The following SYNE3 variants were observed in gnomAD, a reference collection of about 807,000 sequenced individuals.
The protein encoded by SYNE3 is spectrin repeat containing nuclear envelope family member 3.
A neutral mutation model predicts 111.2 loss-of-function variants in SYNE3; 100 were observed. That is an observed-to-expected ratio of 0.90 (90% confidence interval 0.77 to 1.06). SYNE3 has a LOEUF of 1.06. Ranked by LOEUF, SYNE3 falls within the 50% of genes least tolerant of loss-of-function variation. SYNE3 has a pLI of 0.00. For synonymous variants in SYNE3, 547 were observed against 533.9 expected (o/e 1.02, Z -0.34); for missense variants, 1,160 against 1,240.3 (o/e 0.94, Z 0.97).
chr14:95,437,857 G>T (rs1225842986), intron 14 of SYNE3: 3 of 151,736 alleles, frequency 2.0e-5, no homozygotes, highest in Admixed American at 1.3e-4. Flanking sequence ...GACCCATCTT[G>T]TATGATTTTA....
intron 1 of SYNE3, among the ~76,000 whole-genome samples, chr14:95,491,325 G>A (rs1229722284): frequency 6.6e-6 from 1 of 152,184 alleles, no homozygotes; most frequent in East Asian, 1.9e-4. Context: ...TCTGGCAGCA[G>A]CTCAGTGTAG....
intron 1 of SYNE3, among the ~76,000 whole-genome samples, chr14:95,502,892 C>T (rs184273842): frequency 3.9e-5 from 6 of 152,322 alleles, no homozygotes; most frequent in Admixed American, 2.6e-4. Flanking sequence ...AGCTCCATGT[C>T]GAGCAGCGAG....
intron 2 of SYNE3, among the ~76,000 whole-genome samples, chr14:95,473,377 C>T (rs1428723767): frequency 6.6e-6 from 1 of 152,028 alleles, no homozygotes; most frequent in African/African-American, 2.4e-5. Flanking sequence ...GTTTAAAATG[C>T]TAAGCACCCT....
chr14:95,437,386 T>C (rs972111547), intron 14 of SYNE3, among the ~76,000 whole-genome samples: 1 of 152,212 alleles, frequency 6.6e-6, no homozygotes, highest in African/African-American at 2.4e-5. Context: ...GAGTCTTGGT[T>C]CCACTGCGCA....
At chr14:95,489,027 G>A (rs74080379) in intron 1 of SYNE3, among the ~76,000 whole-genome samples, 4,688 of 152,246 alleles carry the variant, frequency 0.031, 231 homozygotes, top group African/African-American at 0.1. Flanking sequence ...GCTGAGCACC[G>A]GGCCTGCTGG....
At chr14:95,482,237 C>T (rs1486927631) in intron 1 of SYNE3, among the ~76,000 whole-genome samples, 2 of 152,166 alleles carry the variant, frequency 1.3e-5, no homozygotes, top group African/African-American at 4.8e-5. Flanking sequence ...AGTTTGAGAT[C>T]AGCCTGGCCA....
intron 17 of SYNE3, 97 bp from the exon 18 acceptor site, chr14:95,418,123 A>G: frequency 8.2e-7 from 1 of 1,226,932 alleles, no homozygotes; most frequent in South Asian, 1.2e-5. Flanking sequence ...CGGTGGTAGC[A>G]CTGAACTGAC....
At chr14:95,461,845 G>A (rs540565342) in intron 4 of SYNE3, among the ~76,000 whole-genome samples, 2 of 152,352 alleles carry the variant, frequency 1.3e-5, no homozygotes, top group Admixed American at 6.5e-5. Context: ...GGGAGGCTGG[G>A]ACCACCAAGG....
In SYNE3 at chr14:95,417,711, C is replaced by T. The variant is rs113545322; in HGVS notation, c.*115G>A. The T allele has an allele frequency of 1.6e-3, 1,773 of 1,077,866 alleles. 12 individuals are homozygous for T. In the African/African-American group the frequency reaches 0.02, roughly 12 times the overall value. The allele number at this position is 1,077,866 out of a possible 1,614,324, so 66.8% of individuals were successfully genotyped here. A position where few individuals can be genotyped will look rare whatever the true frequency, so the allele number is the denominator to read the frequency against. On this transcript the variant is annotated 3_prime_UTR_variant, in exon 18 of 18. Transcript: ENST00000682763. Reference sequence around the variant, plus strand: ...CGCTGACACAGCACTGATATGGATGCAGCTCTGCAGTCTTTGCCCTGCCCC... The same window carrying T: ...CGCTGACACAGCACTGATATGGATGTAGCTCTGCAGTCTTTGCCCTGCCCC...
chr14:95,470,489 A>C lies in SYNE3; in HGVS notation c.145-2522T>G, dbSNP rs567736840. On this transcript the variant is annotated intron_variant, in intron 2 of 17. Coordinates refer to ENST00000682763, the MANE Select transcript of SYNE3 (RefSeq NM_152592.6). This position sits in a 1 kb window ranked among gnomAD's most constrained non-coding sequence, Gnocchi z 4.2. ...CTCCAAAAGCATTTTTTTTAATTAAAAAAAAAAAAAAACTAGCCAGGCACA... is the reference window on the plus strand; with the variant it reads ...CTCCAAAAGCATTTTTTTTAATTAACAAAAAAAAAAAACTAGCCAGGCACA... Among the ~76,000 whole-genome samples, 2 of 151,554 alleles carry C rather than the reference A, an allele frequency of 1.3e-5. No individual in the cohort carries two copies. Among genetic ancestry groups the C allele is most frequent in the East Asian group, 3.9e-4 (2 of 5,156 alleles).
chr14:95,423,018 T>A (rs74078430), intron 17 of SYNE3, among the ~76,000 whole-genome samples: 3,322 of 152,306 alleles, frequency 0.022, 127 homozygotes, highest in African/African-American at 0.075. Context: ...CAGCCCTGCG[T>A]TCGCTCCCCG....
intron 1 of SYNE3, among the ~76,000 whole-genome samples, chr14:95,479,713 A>G (rs1218796493): frequency 6.6e-6 from 1 of 152,228 alleles, no homozygotes; most frequent in East Asian, 1.9e-4. Context: ...TGAGGCCAGC[A>G]TGAGTTTTGA....
chr14:95,440,134 C>T (rs1045383751), intron 11 of SYNE3, 59 bp from the exon 12 acceptor site: 30 of 1,524,868 alleles, frequency 2.0e-5, no homozygotes, highest in Middle Eastern at 2.4e-4. Context: ...GGGAGACCCC[C>T]GCACCACCCC....
At chr14:95,423,082 T>G (rs1287513312) in intron 17 of SYNE3, among the ~76,000 whole-genome samples, 1 of 152,228 alleles carries the variant, frequency 6.6e-6, no homozygotes, top group Non-Finnish European at 1.5e-5. Flanking sequence ...TGGCAGTGGC[T>G]GGGCAGGGGG....
chr14:95,433,186 G>C (rs1348861101), intron 16 of SYNE3, 74 bp downstream of exon 16: 6 of 1,563,034 alleles, frequency 3.8e-6, no homozygotes, highest in Non-Finnish European at 5.2e-6. Context: ...GCTTAGCACT[G>C]TATCCCCAGG....
In SYNE3 at chr14:95,481,082, T is replaced by C. The variant is rs555128888; in HGVS notation, c.-14-5247A>G. Among the ~76,000 whole-genome samples the C allele has an allele frequency of 6.6e-5, 10 of 152,302 alleles. 1 individual carries two copies. In the South Asian group the frequency reaches 1.7e-3, roughly 25 times the overall value. On this transcript the variant is annotated intron_variant, in intron 1 of 17. Transcript: ENST00000682763. ...AGGTGTGGGAGCACCTGGTCAGTAA[T>C]AGGTGCGTGGGGCACAGGAGCGGCT...
Position 95,423,627 on chromosome 14 carries a change from AT to A in SYNE3, c.2728-5602del, listed in dbSNP as rs1885266931. 1.7e-3 allele frequency among the ~76,000 whole-genome samples: 28 copies of A among 16,534 alleles called. 2 individuals are homozygous for A. Among genetic ancestry groups the A allele is most frequent in the Non-Finnish European group, 2.6e-3 (20 of 7,600 alleles). The allele number at this position is 16,534 out of a possible 152,430, so 10.8% of individuals were successfully genotyped here. On this transcript the variant is annotated intron_variant, in intron 17 of 17. Transcript: ENST00000682763. Reference sequence around the variant, plus strand: ...GGATGGGGATTTGATGGGGATGGGGATTTGATGGGGATGGGGTTTTGATGGG... The same window carrying A: ...GGATGGGGATTTGATGGGGATGGGGATTGATGGGGATGGGGTTTTGATGGG...
At chr14:95,441,278 G>A (rs1404103994) in intron 11 of SYNE3, among the ~76,000 whole-genome samples, 3 of 152,208 alleles carry the variant, frequency 2.0e-5, no homozygotes, top group Admixed American at 1.3e-4. Context: ...CCATCAATGA[G>A]GGCCTGAGAA....
At chr14:95,428,603 T>C (rs1221169558) in intron 17 of SYNE3, among the ~76,000 whole-genome samples, 1 of 152,200 alleles carries the variant, frequency 6.6e-6, no homozygotes, top group Non-Finnish European at 1.5e-5. Flanking sequence ...ACAGAACCTT[T>C]GACCAATCCA....
Sources: allele counts gnomAD v4.1 joint callset (sites outside exome capture counted in the v4.1 genomes callset), GRCh38; gene constraint gnomAD v4.1.1; non-coding constraint Gnocchi (gnomAD v3.1); transcripts MANE v1.5; gene names NCBI Gene and HGNC (gene_info 2026-07-23, HGNC 2026-07-21).